ZNF679: variants seen among roughly 807,000 people sequenced by gnomAD.
ZNF679 encodes the protein zinc finger protein 679.
In ZNF679, 10 loss-of-function variants were observed where a neutral mutation model predicts 13.4. That is an observed-to-expected ratio of 0.75 (90% CI 0.46 to 1.27). The LOEUF is 1.27. Ranked by LOEUF, ZNF679 falls within the 50% of genes most tolerant of loss-of-function variation. The probability of loss-of-function intolerance (pLI) is 0.00; values close to 1 mark genes in which losing one functional copy is unlikely to be tolerated. For missense variants in ZNF679, 525 were observed against 477.8 expected (o/e 1.10, Z -0.92); for synonymous variants, 179 against 162.5 (o/e 1.10, Z -0.77).
chr7:64,230,452 G>T (rs1454429822), intron 1 of ZNF679, among the ~76,000 whole-genome samples: 1 of 150,930 alleles, frequency 6.6e-6, no homozygotes, highest in Non-Finnish European at 1.5e-5. Flanking sequence ...AGAATGGCGT[G>T]AACCCGGGAA....
chr7:64,239,110 T>A (rs1787761890), intron 1 of ZNF679, among the ~76,000 whole-genome samples: 1 of 152,144 alleles, frequency 6.6e-6, no homozygotes, highest in South Asian at 2.1e-4. Context: ...CCAAAAGTAG[T>A]AATTGTCACA....
At chr7:64,235,172 A>G (rs985919958) in intron 1 of ZNF679, among the ~76,000 whole-genome samples, 1 of 152,162 alleles carries the variant, frequency 6.6e-6, no homozygotes. Flanking sequence ...TAATAAAATG[A>G]GAAATCAATA....
intron 2 of ZNF679, among the ~76,000 whole-genome samples, chr7:64,255,815 G>A (rs1787998303): frequency 6.6e-6 from 1 of 152,030 alleles, no homozygotes; most frequent in Admixed American, 6.6e-5. Context: ...CACCATGTTG[G>A]CCAGGCTTGT....
At chr7:64,258,803 GT>G (rs1163803269) in intron 2 of ZNF679, among the ~76,000 whole-genome samples, 1 of 151,822 alleles carries the variant, frequency 6.6e-6, no homozygotes, top group Non-Finnish European at 1.5e-5. Flanking sequence ...TACCTAATGA[GT>G]TTGTTTCAAT....
chr7:64,264,104 G>A (rs1327812060), intron 4 of ZNF679, among the ~76,000 whole-genome samples: 1 of 151,594 alleles, frequency 6.6e-6, no homozygotes, highest in Non-Finnish European at 1.5e-5. Flanking sequence ...CTAGTAAATG[G>A]ACTTATTTTA....
chr7:64,249,702 G>C (rs1782896011), intron 2 of ZNF679, among the ~76,000 whole-genome samples: 1 of 152,194 alleles, frequency 6.6e-6, no homozygotes, highest in African/African-American at 2.4e-5. Context: ...ACCAAATTCA[G>C]TAACTGCTTT....
chr7:64,239,901 TG>T (rs1241013148), intron 1 of ZNF679, among the ~76,000 whole-genome samples: 1 of 152,186 alleles, frequency 6.6e-6, no homozygotes, highest in Non-Finnish European at 1.5e-5. Context: ...AACATATTGC[TG>T]GGCCCAGTAC....
chr7:64,232,783 T>C (rs936433854), intron 1 of ZNF679, among the ~76,000 whole-genome samples: 1 of 152,164 alleles, frequency 6.6e-6, no homozygotes, highest in African/African-American at 2.4e-5. Flanking sequence ...CAATCTTCAC[T>C]TGGGGCAGGG....
chr7:64,236,682 T>C (rs1460063553), intron 1 of ZNF679, among the ~76,000 whole-genome samples: 1 of 151,350 alleles, frequency 6.6e-6, no homozygotes, highest in Non-Finnish European at 1.5e-5. Flanking sequence ...CTTGGGAGGC[T>C]GAAGCAGAAG....
chr7:64,236,947 AAG>A (rs779201560), intron 1 of ZNF679, among the ~76,000 whole-genome samples: 16 of 35,290 alleles, frequency 4.5e-4, no homozygotes, highest in African/African-American at 2.0e-3. Context: ...GAAAGAAAGA[AAG>A]AAAGAAAGAA....
chr7:64,249,308 G>C (rs1037374798), intron 2 of ZNF679, among the ~76,000 whole-genome samples, 152 bp downstream of exon 2: 4 of 152,112 alleles, frequency 2.6e-5, no homozygotes, highest in African/African-American at 9.7e-5. Flanking sequence ...TAGTCCCCTC[G>C]AGCCATAATA....
chr7:64,266,789 G>A lies in ZNF679; in HGVS notation c.1156G>A (p.Asp386Asn). Residue 386 changes from aspartate (D) to asparagine (N), a missense_variant, in exon 5 of 5, where the codon GAC becomes AAC. Coordinates refer to ENST00000421025, the MANE Select transcript of ZNF679 (RefSeq NM_153363.3). ...GGAACCCTACAAATGTGAAGAATGT[G>A]ACAAAGCTTTTAAGTGGTCCTCAAG... is the stretch of plus-strand genomic sequence containing the variant. ...GEEPYKCEECDKAFKWSSSLA... is the reference protein window; with the variant it reads ...GEEPYKCEECNKAFKWSSSLA... 6.2e-7 allele frequency: 1 copy of A among 1,608,552 alleles called. No homozygotes were observed. Among genetic ancestry groups the A allele is most frequent in the Non-Finnish European group, 8.5e-7 (1 of 1,177,094 alleles).
At chr7:64,261,839 C>A (rs1440002607) in intron 4 of ZNF679, among the ~76,000 whole-genome samples, 1 of 148,196 alleles carries the variant, frequency 6.7e-6, no homozygotes, top group African/African-American at 2.5e-5. Context: ...TTAGTTTAAT[C>A]ATTTGTCCAA....
At chr7:64,263,643 G>A (rs577535468) in intron 4 of ZNF679, among the ~76,000 whole-genome samples, 1 of 152,194 alleles carries the variant, frequency 6.6e-6, no homozygotes, top group African/African-American at 2.4e-5. Flanking sequence ...TCACATGAGA[G>A]CTGGTTGCTT....
At chr7:64,252,409 A>C (rs534139724) in intron 2 of ZNF679, among the ~76,000 whole-genome samples, 1 of 152,270 alleles carries the variant, frequency 6.6e-6, no homozygotes, top group Non-Finnish European at 1.5e-5. Context: ...AAATTTAGTC[A>C]TGTATTCTGT....
chr7:64,239,998 C>A (rs761847838), intron 1 of ZNF679, among the ~76,000 whole-genome samples: 2 of 152,212 alleles, frequency 1.3e-5, no homozygotes, highest in African/African-American at 2.4e-5. Context: ...TGATGTGACT[C>A]TGTTCTTCTA....
rs370760855 is a variant in ZNF679, at chr7:64,260,836, A to G, written c.169A>G (p.Ile57Val). The G allele has an allele frequency of 6.2e-7, 1 of 1,603,610 alleles. No individual in the cohort carries two copies. Among genetic ancestry groups the G allele is most frequent in the Non-Finnish European group, 8.5e-7 (1 of 1,177,432 alleles). The stretch of plus-strand genomic sequence containing the variant: ...ACTTTTTTTTCTTAATAAAACAGGT[A>G]TTGCTGTCTCTAAGCCAGACTTGAT... ...ENYRNLVSLG[I>V]AVSKPDLITC... The change falls in exon 4 of 5, where the codon ATT becomes GTT. Residue 57 changes from isoleucine (I) to valine (V), a missense_variant and splice_region_variant. Transcript: ENST00000421025.
chr7:64,266,367 G>A lies in ZNF679; in HGVS notation c.734G>A (p.Cys245Tyr). 1 of 1,613,704 alleles carries A rather than the reference G, an allele frequency of 6.2e-7. No homozygotes were observed. Among genetic ancestry groups the A allele is most frequent in the South Asian group, 1.1e-5 (1 of 91,048 alleles). ...TGEKPYRCEE[C>Y]GKAFTWSSTL... is the part of the protein sequence containing the mutation. ...GAGAAACCCTACAGATGTGAGGAAT[G>A]TGGCAAAGCTTTTACCTGGTCCTCA... is the stretch of plus-strand genomic sequence containing the variant. Residue 245 changes from cysteine to tyrosine, a missense_variant, in exon 5 of 5, where the codon TGT (cysteine) becomes TAT (tyrosine). Transcript: ENST00000421025.
At chr7:64,252,664 T>C (rs1278002249) in intron 2 of ZNF679, among the ~76,000 whole-genome samples, 2 of 152,242 alleles carry the variant, frequency 1.3e-5, no homozygotes, top group Non-Finnish European at 2.9e-5. Flanking sequence ...TCAGTGTCTC[T>C]TTTTGCAAAA....
Sources: allele counts gnomAD v4.1 joint callset (sites outside exome capture counted in the v4.1 genomes callset), GRCh38; gene constraint gnomAD v4.1.1; transcripts MANE v1.5; gene names NCBI Gene and HGNC (gene_info 2026-07-23, HGNC 2026-07-21).